The following ACTR3C variants were observed in gnomAD, a reference collection of about 807,000 sequenced individuals.
ACTR3C encodes actin-related protein 3C.
A neutral mutation model predicts 26.3 loss-of-function variants in ACTR3C; 18 were observed. The observed-to-expected ratio is 0.68, with a 90% CI of 0.47 to 1.01. ACTR3C has a LOEUF of 1.01. Among genes scored for constraint, ACTR3C ranks in the 50% least tolerant of loss-of-function variants. The pLI is 0.00. For synonymous variants in ACTR3C, 55 were observed against 94.5 expected, an observed-to-expected ratio of 0.58 and a Z score of 2.42; for missense variants, 184 against 250.7, an observed-to-expected ratio of 0.73 and a Z score of 1.80.
intron 6 of ACTR3C, among the ~76,000 whole-genome samples, chr7:150,254,317 T>C (rs572349780): frequency 6.6e-6 from 1 of 152,356 alleles, no homozygotes; most frequent in Non-Finnish European, 1.5e-5. Flanking sequence ...GGTAGACACA[T>C]GGCAGAATCA....
chr7:150,162,875 G>A, the ACTR3C span, among the ~76,000 whole-genome samples: 2 of 152,120 alleles, frequency 1.3e-5, no homozygotes, highest in South Asian at 2.1e-4. Flanking sequence ...TAGTGGGTGG[G>A]GCACTGTGGC....
At chr7:150,161,202 T>TATA in the ACTR3C span, among the ~76,000 whole-genome samples, 3 of 103,006 alleles carry the variant, frequency 2.9e-5, no homozygotes, top group African/African-American at 1.4e-4. Context: ...AGGAAAGTAT[T>TATA]TATATATATA....
chr7:150,010,577 C>A, the ACTR3C span, among the ~76,000 whole-genome samples: 32 of 151,928 alleles, frequency 2.1e-4, no homozygotes, highest in African/African-American at 6.8e-4. Flanking sequence ...CCCTGTAATG[C>A]CAGCTACTCA....
chr7:150,303,123 A>G (rs2129614443), intron 1 of ACTR3C: 1 of 152,370 alleles, frequency 6.6e-6, no homozygotes, highest in African/African-American at 2.4e-5. Flanking sequence ...CATTTCCCAG[A>G]CTTCCTTGTG....
At chr7:150,068,250 C>T in the ACTR3C span, among the ~76,000 whole-genome samples, 199 of 152,238 alleles carry the variant, frequency 1.3e-3, no homozygotes, top group African/African-American at 4.3e-3. Flanking sequence ...GTGCTCCCAA[C>T]GGTATACAAG....
chr7:149,936,877 C>A, the ACTR3C span, among the ~76,000 whole-genome samples: 115 of 143,160 alleles, frequency 8.0e-4, no homozygotes, highest in Middle Eastern at 3.4e-3. Flanking sequence ...CCGCCTTGAC[C>A]CTGCTGGGAT....
chr7:150,302,169 A>G (rs1201940192), intron 1 of ACTR3C, among the ~76,000 whole-genome samples: 2 of 152,258 alleles, frequency 1.3e-5, no homozygotes, highest in Non-Finnish European at 2.9e-5. Context: ...CTAATGTGGA[A>G]AAACGTATAA....
chr7:150,034,779 G>C, the ACTR3C span, among the ~76,000 whole-genome samples: 7 of 151,300 alleles, frequency 4.6e-5, no homozygotes, highest in Non-Finnish European at 8.9e-5. Context: ...TAAGCCAGGG[G>C]GGGAAGAGGG....
the ACTR3C span, among the ~76,000 whole-genome samples, chr7:149,993,366 A>G: frequency 6.6e-5 from 10 of 152,268 alleles, no homozygotes; most frequent in African/African-American, 2.2e-4. Context: ...GCACTTGTAT[A>G]ATTTGCACAC....
At chr7:150,156,539 T>TGA in the ACTR3C span, among the ~76,000 whole-genome samples, 2,847 of 148,634 alleles carry the variant, frequency 0.019, 86 homozygotes, top group African/African-American at 0.066. Context: ...TGGTGCTTAT[T>TGA]GAGAGAGAGA....
chr7:150,156,563 G>A, the ACTR3C span, among the ~76,000 whole-genome samples: 117 of 152,002 alleles, frequency 7.7e-4, 1 homozygote, highest in Non-Finnish European at 9.6e-4. Context: ...AGAGGAGAGA[G>A]AGAGAGAGGA....
the ACTR3C span, among the ~76,000 whole-genome samples, chr7:150,030,808 G>A: frequency 6.6e-6 from 1 of 150,540 alleles, no homozygotes; most frequent in Admixed American, 6.6e-5. Context: ...TTTCCCATGT[G>A]AATGCCTGCA....
the ACTR3C span, among the ~76,000 whole-genome samples, chr7:149,906,426 T>C: frequency 1.6e-4 from 8 of 49,440 alleles, no homozygotes; most frequent in Non-Finnish European, 2.6e-4. Flanking sequence ...TTTTTTTTTT[T>C]TTTTTTTTTT....
the ACTR3C span, among the ~76,000 whole-genome samples, chr7:150,054,041 G>T: frequency 6.6e-6 from 1 of 152,154 alleles, no homozygotes; most frequent in African/African-American, 2.4e-5. Flanking sequence ...CAATGACTGT[G>T]AAACATAAGG....
chr7:149,968,696 C>T, the ACTR3C span, among the ~76,000 whole-genome samples: 1 of 152,080 alleles, frequency 6.6e-6, no homozygotes, highest in Non-Finnish European at 1.5e-5. Flanking sequence ...TAATGTCAAA[C>T]TTAATTTTAA....
chr7:149,945,706 G>A, the ACTR3C span, among the ~76,000 whole-genome samples: 1 of 152,272 alleles, frequency 6.6e-6, no homozygotes, highest in South Asian at 2.1e-4. Flanking sequence ...ATGCCGGCAG[G>A]TGGGACACAT....
At chr7:149,944,993 G>A in the ACTR3C span, among the ~76,000 whole-genome samples, 9 of 152,076 alleles carry the variant, frequency 5.9e-5, no homozygotes, top group East Asian at 1.2e-3. Context: ...CTCGTGGGCA[G>A]GTGATGCTCA....
At chr7:150,039,836 G>A in the ACTR3C span, among the ~76,000 whole-genome samples, 2 of 127,618 alleles carry the variant, frequency 1.6e-5, no homozygotes, top group Middle Eastern at 4.3e-3. Context: ...TCCGCCCCCA[G>A]CGATGGGGGT....
the ACTR3C span, among the ~76,000 whole-genome samples, chr7:149,983,961 T>G: frequency 0.25 from 37,395 of 151,598 alleles, 5,439 homozygotes; most frequent in African/African-American, 0.42. Context: ...GGGCTTGGGA[T>G]AAGGGGAAAT....
Sources: gnomAD v4.1 joint callset for allele counts (sites outside exome capture counted in the v4.1 genomes callset) on GRCh38, gnomAD v4.1.1 for gene constraint, MANE v1.5 for transcripts, NCBI Gene and HGNC (gene_info 2026-07-23, HGNC 2026-07-21) for gene names.